The following GRAMD1B variants were observed in gnomAD, a reference collection of about 807,000 sequenced individuals.
GRAMD1B encodes the protein GRAM domain containing 1B.
GRAMD1B carries 37 observed loss-of-function variants against 99.7 expected under a neutral mutation model. That is an observed-to-expected ratio of 0.37 (90% CI 0.29 to 0.49). The LOEUF is 0.49. GRAMD1B is among the 20% of genes least tolerant of loss of function. The pLI, the probability that GRAMD1B is intolerant of heterozygous loss-of-function variation, is 0.98. For synonymous variants in GRAMD1B, 427 were observed against 387.6 expected (o/e 1.10, Z -1.19); for missense variants, 888 against 1,009.2 (o/e 0.88, Z 1.63).
intron 4 of GRAMD1B, among the ~76,000 whole-genome samples, chr11:123,584,588 GGTCTGTC>G (rs1446659162): frequency 6.6e-6 from 1 of 151,970 alleles, no homozygotes; most frequent in Non-Finnish European, 1.5e-5. Flanking sequence ...CTTAGACAAG[GGTCTGTC>G]AACCCTAAAA....
At chr11:123,407,290 C>T (rs1947889384) in intron 1 of GRAMD1B, among the ~76,000 whole-genome samples, 1 of 149,958 alleles carries the variant, frequency 6.7e-6, no homozygotes, top group South Asian at 2.1e-4. Flanking sequence ...TCCCGGGGAA[C>T]TCTCGAAACC....
At position 123,608,667 on chromosome 11, in the gene GRAMD1B, C is replaced by G; in HGVS notation, c.1522C>G (p.Gln508Glu). 6.3e-7 allele frequency: 1 copy of G among 1,577,832 alleles called. No individual in the cohort carries two copies. The highest frequency in any genetic ancestry group is 1.2e-5 in the South Asian group (1 of 85,740). The change falls in exon 12 of 20, where the codon CAG (glutamine) becomes GAG (glutamate). Residue 508 changes from glutamine (Q) to glutamate (E), a missense_variant. Coordinates refer to ENST00000635736, the MANE Select transcript of GRAMD1B (RefSeq NM_001387025.1). ...SSDTHDEGEVQAFYEDLSGRQ... is the reference protein window; with the variant it reads ...SSDTHDEGEVEAFYEDLSGRQ... ...TCCTCTCTTCTGTGCAGGAGAGGTCCAGGCCTTCTATGAGGACCTGAGTGG... is the reference window on the plus strand; with the variant it reads ...TCCTCTCTTCTGTGCAGGAGAGGTCGAGGCCTTCTATGAGGACCTGAGTGG...
chr11:123,597,556 G>A (rs1374700551), intron 7 of GRAMD1B, among the ~76,000 whole-genome samples: 3 of 152,076 alleles, frequency 2.0e-5, no homozygotes, highest in African/African-American at 7.2e-5. Context: ...CAGGGAAGTA[G>A]CAACAAAGGA....
chr11:123,550,368 C>A (rs910280488), intron 2 of GRAMD1B, among the ~76,000 whole-genome samples: 2 of 152,124 alleles, frequency 1.3e-5, no homozygotes, highest in Non-Finnish European at 2.9e-5. Flanking sequence ...TCCTTCCCCC[C>A]AGACTCACAC....
chr11:123,433,943 G>A (rs1949032916), intron 1 of GRAMD1B, among the ~76,000 whole-genome samples: 1 of 152,140 alleles, frequency 6.6e-6, no homozygotes, highest in East Asian at 1.9e-4. Flanking sequence ...AAGAACCTAT[G>A]TATCAGCCGG....
intron 2 of GRAMD1B, among the ~76,000 whole-genome samples, chr11:123,486,123 A>G (rs1937726224): frequency 6.6e-6 from 1 of 152,252 alleles, no homozygotes; most frequent in African/African-American, 2.4e-5. Flanking sequence ...TAAAGAATAC[A>G]TGAGAAAACA....
chr11:123,625,447 G>T lies in GRAMD1B; in HGVS notation c.*2852G>T, dbSNP rs1286974353. 1 of 152,224 alleles carries T rather than the reference G, an allele frequency of 6.6e-6. No homozygotes were observed. The highest frequency in any genetic ancestry group is 2.4e-5 in the African/African-American group (1 of 41,460). 9.4% of individuals were successfully genotyped at this position (152,224 alleles called of 1,614,324 possible). A position where few individuals can be genotyped will look rare whatever the true frequency, so the allele number is the denominator to read the frequency against. ...AGTTCCATTACAGCTTACTGTGAAAGAATTGACAAGACTGGCCTCAGACAA... is the reference window on the plus strand; with the variant it reads ...AGTTCCATTACAGCTTACTGTGAAATAATTGACAAGACTGGCCTCAGACAA... On this transcript the variant is annotated 3_prime_UTR_variant, in exon 20 of 20. Transcript: ENST00000635736.
At chr11:123,501,106 G>A (rs1939806534) in intron 2 of GRAMD1B, among the ~76,000 whole-genome samples, 1 of 152,174 alleles carries the variant, frequency 6.6e-6, no homozygotes, top group South Asian at 2.1e-4. Flanking sequence ...CCACTGTCAA[G>A]CTTGTTGGTA....
At chr11:123,613,016 G>A (rs1182876569) in intron 15 of GRAMD1B, 152 bp downstream of exon 15, 1 of 605,868 alleles carries the variant, frequency 1.7e-6, no homozygotes, top group Non-Finnish European at 2.9e-6. Context: ...TTCAGAAGTG[G>A]ACACCAAATT....
chr11:123,358,597 G>C (rs1946033604), exon 1 of GRAMD1B: 1 of 152,162 alleles, frequency 6.6e-6, no homozygotes, highest in Admixed American at 6.5e-5. Context: ...GCTCCAGCAC[G>C]ACCCCGCCGC....
intron 2 of GRAMD1B, among the ~76,000 whole-genome samples, chr11:123,527,092 G>A (rs1011517811): frequency 1.3e-5 from 2 of 152,322 alleles, no homozygotes; most frequent in Middle Eastern, 3.4e-3. Context: ...CCCTGAAGAG[G>A]GTGGAGGGTG....
intron 1 of GRAMD1B, chr11:123,431,926 G>A (rs1173548079): frequency 3.5e-5 from 14 of 394,722 alleles, no homozygotes; most frequent in Non-Finnish European, 6.3e-5. Context: ...AGGAAGTTGT[G>A]TCTGAGCCAA....
chr11:123,360,748 TTTCC>T (rs1329768225), intron 1 of GRAMD1B, among the ~76,000 whole-genome samples: 17 of 149,100 alleles, frequency 1.1e-4, no homozygotes, highest in African/African-American at 1.5e-4. Flanking sequence ...TCCTTCCTTC[TTTCC>T]TTCCTTCCTT....
intron 1 of GRAMD1B, among the ~76,000 whole-genome samples, chr11:123,440,043 C>T (rs1351295345): frequency 1.3e-5 from 2 of 152,170 alleles, no homozygotes; most frequent in Non-Finnish European, 2.9e-5. Flanking sequence ...GTAACCCTTG[C>T]AATATTTGCC....
At chr11:123,389,117 G>T (rs568957667) in intron 1 of GRAMD1B, among the ~76,000 whole-genome samples, 1 of 152,106 alleles carries the variant, frequency 6.6e-6, no homozygotes, top group Non-Finnish European at 1.5e-5. Context: ...GGGCACGGTG[G>T]CTCACACCTG....
intron 2 of GRAMD1B, among the ~76,000 whole-genome samples, chr11:123,552,954 T>C (rs865407): frequency 0.21 from 31,833 of 152,226 alleles, 4,100 homozygotes; most frequent in Non-Finnish European, 0.28. Flanking sequence ...AGATCACTAG[T>C]CTATGTTTTC....
chr11:123,567,878 T>C (rs542295650), intron 2 of GRAMD1B, among the ~76,000 whole-genome samples: 1 of 152,352 alleles, frequency 6.6e-6, no homozygotes, highest in Admixed American at 6.5e-5. Context: ...GCTACTTTTC[T>C]CTACTTCGCC....
intron 1 of GRAMD1B, among the ~76,000 whole-genome samples, chr11:123,384,114 C>T (rs1407972948): frequency 1.3e-5 from 2 of 152,178 alleles, no homozygotes; most frequent in Admixed American, 6.5e-5. Flanking sequence ...AAGTGATCCA[C>T]CTGCCTTGGC....
intron 2 of GRAMD1B, among the ~76,000 whole-genome samples, chr11:123,482,844 A>G (rs1476467028): frequency 1.3e-5 from 2 of 152,170 alleles, no homozygotes; most frequent in Admixed American, 6.5e-5. Flanking sequence ...AGATCACTTG[A>G]GGCCAGGAGT....
Sources: gnomAD v4.1 joint callset for allele counts (sites outside exome capture counted in the v4.1 genomes callset) on GRCh38, gnomAD v4.1.1 for gene constraint, MANE v1.5 for transcripts, NCBI Gene and HGNC (gene_info 2026-07-23, HGNC 2026-07-21) for gene names.